HDAC9: variants seen among roughly 807,000 people sequenced by gnomAD.
HDAC9 encodes the protein histone deacetylase 9.
HDAC9 carries 41 observed loss-of-function variants against 139.4 expected under a neutral mutation model. That is an observed-to-expected ratio of 0.29 (90% CI 0.23 to 0.38). The LOEUF (loss-of-function observed/expected upper bound fraction) is 0.38, where lower values mean the gene tolerates loss of function less well. HDAC9 is among the 10% of genes least tolerant of loss of function. The pLI is 1.00. For missense variants in HDAC9, 1,147 were observed against 1,297.0 expected (o/e 0.88, Z 1.78); for synonymous variants, 517 against 476.2 (o/e 1.09, Z -1.12).
At chr7:18,823,155 C>T (rs1398406795) in intron 17 of HDAC9, among the ~76,000 whole-genome samples, 1 of 152,070 alleles carries the variant, frequency 6.6e-6, no homozygotes, top group Non-Finnish European at 1.5e-5. Flanking sequence ...ACTGTTCTCA[C>T]ATAGGATCAG....
intron 2 of HDAC9, among the ~76,000 whole-genome samples, chr7:18,175,682 C>T (rs960239947): frequency 4.6e-5 from 7 of 151,914 alleles, no homozygotes; most frequent in African/African-American, 1.7e-4. Context: ...AGACTCATGA[C>T]CATATTATTG....
intron 2 of HDAC9, among the ~76,000 whole-genome samples, chr7:18,195,247 C>T (rs1790642511): frequency 6.6e-6 from 1 of 152,042 alleles, no homozygotes; most frequent in African/African-American, 2.4e-5. Context: ...TTATCTAAAA[C>T]CCTAGTTGAG....
chr7:18,636,534 A>G (rs1783950981), intron 8 of HDAC9, among the ~76,000 whole-genome samples: 1 of 152,042 alleles, frequency 6.6e-6, no homozygotes, highest in African/African-American at 2.4e-5. Context: ...TTTCCCTCAA[A>G]TAAGTTTCCA....
chr7:18,365,924 C>T (rs1413746061), intron 1 of HDAC9, among the ~76,000 whole-genome samples: 1 of 149,466 alleles, frequency 6.7e-6, no homozygotes, highest in Non-Finnish European at 1.5e-5. Context: ...CTGCTGGTTA[C>T]TTTTATCCTT....
chr7:18,591,908 C>G (rs1037517823), intron 5 of HDAC9, among the ~76,000 whole-genome samples: 1 of 152,110 alleles, frequency 6.6e-6, no homozygotes, highest in African/African-American at 2.4e-5. Context: ...TAGCATTTAT[C>G]AACTTGAGGG....
intron 16 of HDAC9, among the ~76,000 whole-genome samples, chr7:18,788,927 G>T (rs908987298): frequency 1.3e-5 from 2 of 152,088 alleles, no homozygotes; most frequent in Admixed American, 1.3e-4. Context: ...GACCAGAAGA[G>T]ATGGATTTTA....
At chr7:18,837,115 C>A (rs900168184) in intron 21 of HDAC9, among the ~76,000 whole-genome samples, 2 of 151,510 alleles carry the variant, frequency 1.3e-5, no homozygotes, top group African/African-American at 2.4e-5. Context: ...AGAAAAATAG[C>A]TATTTAAAAA....
At chr7:18,146,629 C>A (rs1324858931) in intron 1 of HDAC9, among the ~76,000 whole-genome samples, 1 of 152,138 alleles carries the variant, frequency 6.6e-6, no homozygotes, top group Non-Finnish European at 1.5e-5. Flanking sequence ...AGAAACAATG[C>A]TTTTAACTTT....
intron 1 of HDAC9, among the ~76,000 whole-genome samples, chr7:18,311,091 AGGT>A (rs769729519): frequency 3.8e-4 from 7 of 18,232 alleles, no homozygotes; most frequent in South Asian, 5.3e-3. Flanking sequence ...TTCTGGAGAG[AGGT>A]GATGATGATG....
chr7:18,939,892 C>T (rs949530825), intron 23 of HDAC9, among the ~76,000 whole-genome samples: 3 of 152,182 alleles, frequency 2.0e-5, no homozygotes, highest in African/African-American at 4.8e-5. Context: ...AGTTTCTCAA[C>T]ACTGAACATG....
chr7:18,523,059 G>A (rs1805592743), intron 2 of HDAC9, among the ~76,000 whole-genome samples: 1 of 152,154 alleles, frequency 6.6e-6, no homozygotes, highest in Admixed American at 6.6e-5. Context: ...GCCTTTCAAA[G>A]GAAATAAATG....
At chr7:18,094,439 CTTTTT>C (rs762146571) in intron 1 of HDAC9, among the ~76,000 whole-genome samples, 2 of 135,988 alleles carry the variant, frequency 1.5e-5, no homozygotes, top group Non-Finnish European at 1.6e-5. Context: ...GTTACCTTTA[CTTTTT>C]TTTTTTTTTT....
chr7:18,602,352 T>C (rs991125792), intron 6 of HDAC9, among the ~76,000 whole-genome samples: 7 of 152,030 alleles, frequency 4.6e-5, no homozygotes, highest in African/African-American at 1.7e-4. Flanking sequence ...TACTTTTTTT[T>C]TCCTGACAGC....
chr7:18,743,860 A>G (rs1787682447), intron 13 of HDAC9, among the ~76,000 whole-genome samples: 1 of 151,916 alleles, frequency 6.6e-6, no homozygotes. Flanking sequence ...AGCTTTTTTT[A>G]TCTTTTTTAG....
chr7:18,232,596 C>T (rs1232857315), intron 2 of HDAC9, among the ~76,000 whole-genome samples: 1 of 152,166 alleles, frequency 6.6e-6, no homozygotes, highest in Non-Finnish European at 1.5e-5. Flanking sequence ...TCCCTAGAGG[C>T]ATGGATTCTA....
At chr7:18,243,003 T>C (rs2128191157) in intron 2 of HDAC9, among the ~76,000 whole-genome samples, 1 of 152,086 alleles carries the variant, frequency 6.6e-6, no homozygotes, top group Admixed American at 6.6e-5. Flanking sequence ...TTTAGCTATT[T>C]GCATATGAAA....
chr7:18,456,568 A>G (rs1793372066), intron 1 of HDAC9, among the ~76,000 whole-genome samples: 1 of 152,098 alleles, frequency 6.6e-6, no homozygotes, highest in South Asian at 2.1e-4. Flanking sequence ...TATACTCACC[A>G]CTTTCATTCA....
At chr7:18,618,726 GTATATATATATATATATATATATA>G (rs71014394) in intron 6 of HDAC9, among the ~76,000 whole-genome samples, 11 of 120,038 alleles carry the variant, frequency 9.2e-5, no homozygotes, top group African/African-American at 3.1e-4. Context: ...ACAGAATTTT[GTATATATATATATATATATATATA>G]TATATATATA....
intron 1 of HDAC9, among the ~76,000 whole-genome samples, chr7:18,120,490 C>A (rs992119032): frequency 6.6e-6 from 1 of 152,146 alleles, no homozygotes; most frequent in Non-Finnish European, 1.5e-5. Context: ...TCCCCAAACA[C>A]AAACCTTTTC....
Sources: gnomAD v4.1 joint callset for allele counts (sites outside exome capture counted in the v4.1 genomes callset) on GRCh38, gnomAD v4.1.1 for gene constraint, MANE v1.5 for transcripts, NCBI Gene and HGNC (gene_info 2026-07-23, HGNC 2026-07-21) for gene names.